The following ANXA4 variants were observed in gnomAD, a reference collection of about 807,000 sequenced individuals.
ANXA4 encodes 35-beta calcimedin.
A neutral mutation model predicts 49.8 loss-of-function variants in ANXA4; 39 were observed. That is an observed-to-expected ratio of 0.78 (90% CI 0.61 to 1.02). The LOEUF is 1.02. Among genes scored for constraint, ANXA4 ranks in the 50% least tolerant of loss-of-function variants. ANXA4 has a pLI of 0.00. For missense variants in ANXA4, 360 were observed against 410.1 expected, an observed-to-expected ratio of 0.88 and a Z score of 1.05; for synonymous variants, 134 against 152.5, an observed-to-expected ratio of 0.88 and a Z score of 0.89.
At chr2:69,767,305 G>A (rs1559164591) in intron 1 of ANXA4, among the ~76,000 whole-genome samples, 1 of 152,196 alleles carries the variant, frequency 6.6e-6, no homozygotes, top group Non-Finnish European at 1.5e-5. Flanking sequence ...ACCAGATGGG[G>A]TCATTATATC....
chr2:69,779,754 A>G (rs946410832), intron 1 of ANXA4, among the ~76,000 whole-genome samples: 1 of 152,156 alleles, frequency 6.6e-6, no homozygotes, highest in Non-Finnish European at 1.5e-5. Flanking sequence ...CAAGGCCCAT[A>G]CCATTCAGTT....
At chr2:69,675,724 GT>G (rs1443816890) in intron 2 of ANXA4, among the ~76,000 whole-genome samples, 1 of 152,134 alleles carries the variant, frequency 6.6e-6, no homozygotes, top group Non-Finnish European at 1.5e-5. Flanking sequence ...CAACGTGAAC[GT>G]ATCTAATGCC....
intron 2 of ANXA4, among the ~76,000 whole-genome samples, chr2:69,667,179 A>G (rs1183419131): frequency 6.6e-6 from 1 of 152,112 alleles, no homozygotes; most frequent in Non-Finnish European, 1.5e-5. Context: ...GTGGGAAGGA[A>G]ATGAAAGAGA....
intron 2 of ANXA4, among the ~76,000 whole-genome samples, chr2:69,787,111 A>G (rs902112711): frequency 6.6e-6 from 1 of 152,158 alleles, no homozygotes; most frequent in Non-Finnish European, 1.5e-5. Flanking sequence ...TCATCTGTAA[A>G]CTATTTCAAT....
chr2:69,759,051 C>T (rs1474935322), intron 1 of ANXA4, among the ~76,000 whole-genome samples: 1 of 150,474 alleles, frequency 6.6e-6, no homozygotes, highest in Non-Finnish European at 1.5e-5. Context: ...CAAGAGAATC[C>T]CTTGAACACG....
chr2:69,643,889 G>C, upstream of ANXA4: 2 of 1,171,978 alleles, frequency 1.7e-6, no homozygotes, highest in Non-Finnish European at 2.1e-6. Flanking sequence ...GGATGGGAAG[G>C]AGTCGACCGC....
intron 3 of ANXA4, among the ~76,000 whole-genome samples, chr2:69,793,047 A>T (rs1277934096): frequency 6.6e-6 from 1 of 151,274 alleles, no homozygotes; most frequent in African/African-American, 2.4e-5. Context: ...AGGTCAGGAG[A>T]TCGAGACCAT....
chr2:69,666,169 A>T (rs1225483305), intron 2 of ANXA4, among the ~76,000 whole-genome samples: 1 of 152,158 alleles, frequency 6.6e-6, no homozygotes, highest in Non-Finnish European at 1.5e-5. Flanking sequence ...ACACCATTGC[A>T]CTCCAGTGTG....
intron 3 of ANXA4, among the ~76,000 whole-genome samples, chr2:69,721,544 T>C (rs1376914445): frequency 2.0e-5 from 3 of 151,840 alleles, no homozygotes; most frequent in Non-Finnish European, 4.4e-5. Context: ...ACAAAAAAAA[T>C]TGAAAAGTTA....
At position 69,684,870 on chromosome 2, in the gene ANXA4, A is replaced by G. The variant is rs150921685; in HGVS notation, n.766+31588A>G. Reference sequence around the variant, plus strand: ...GTGAGGAGAAATAGAGAAAGAGCATAAACTTTGGTAAGCGAAGATAGAAGC... The same window carrying G: ...GTGAGGAGAAATAGAGAAAGAGCATGAACTTTGGTAAGCGAAGATAGAAGC... On this transcript the variant is annotated intron_variant and non_coding_transcript_variant, in intron 2 of 3. Transcript: ENST00000418066. 8.8e-3 allele frequency among the ~76,000 whole-genome samples: 1,342 copies of G among 152,270 alleles called. 14 individuals carry two copies. The highest frequency in any genetic ancestry group is 0.014 in the Non-Finnish European group (930 of 68,012).
At chr2:69,659,591 G>C (rs1244685709) in intron 2 of ANXA4, among the ~76,000 whole-genome samples, 1 of 152,126 alleles carries the variant, frequency 6.6e-6, no homozygotes, top group Non-Finnish European at 1.5e-5. Flanking sequence ...ACAAGTATTT[G>C]GCTTTCAGAA....
At chr2:69,774,698 A>C (rs551816861) in intron 1 of ANXA4, among the ~76,000 whole-genome samples, 19 of 152,190 alleles carry the variant, frequency 1.2e-4, no homozygotes, top group Non-Finnish European at 2.5e-4. Context: ...CATATTCAGC[A>C]GACAAATACC....
intron 3 of ANXA4, among the ~76,000 whole-genome samples, chr2:69,732,438 C>T (rs1043307523): frequency 2.1e-4 from 32 of 151,988 alleles, no homozygotes; most frequent in African/African-American, 7.5e-4. Context: ...TCTTCCCAAA[C>T]AGCAGTAGAG....
At chr2:69,810,796 C>G (rs1011627643) in intron 7 of ANXA4, 123 bp downstream of exon 7, 2 of 731,566 alleles carry the variant, frequency 2.7e-6, no homozygotes, top group Non-Finnish European at 4.8e-6. Flanking sequence ...GTTCTCAGAC[C>G]CCTCTGTTCC....
chr2:69,787,373 T>A (rs1213979414), intron 2 of ANXA4, among the ~76,000 whole-genome samples: 1 of 152,148 alleles, frequency 6.6e-6, no homozygotes, highest in Non-Finnish European at 1.5e-5. Context: ...TCTCTTTAAA[T>A]TCTCCTTGCA....
chr2:69,698,822 T>C (rs1678241209), intron 2 of ANXA4, among the ~76,000 whole-genome samples: 1 of 152,150 alleles, frequency 6.6e-6, no homozygotes, highest in Non-Finnish European at 1.5e-5. Flanking sequence ...TACTAATTCA[T>C]AAAGCTCTGC....
chr2:69,665,063 A>C (rs911084997), intron 2 of ANXA4, among the ~76,000 whole-genome samples: 3 of 152,212 alleles, frequency 2.0e-5, no homozygotes, highest in African/African-American at 7.2e-5. Flanking sequence ...AGATCGCGCC[A>C]CTGCATTCTA....
chr2:69,757,036 TCTGC>T (rs1429276296), intron 1 of ANXA4, among the ~76,000 whole-genome samples: 1 of 149,592 alleles, frequency 6.7e-6, no homozygotes, highest in Non-Finnish European at 1.5e-5. Flanking sequence ...AAGCAATTCT[TCTGC>T]CTCAGCTTTC....
At chr2:69,721,563 C>T (rs556002171) in intron 3 of ANXA4, among the ~76,000 whole-genome samples, 12 of 152,004 alleles carry the variant, frequency 7.9e-5, no homozygotes, top group Admixed American at 1.3e-4. Context: ...TAACCAGGCA[C>T]GGTGGAACAC....
Sources: gnomAD v4.1 joint callset for allele counts (sites outside exome capture counted in the v4.1 genomes callset) on GRCh38, gnomAD v4.1.1 for gene constraint, MANE v1.5 for transcripts, NCBI Gene and HGNC (gene_info 2026-07-23, HGNC 2026-07-21) for gene names.